MARCHF1: variants seen among roughly 807,000 people sequenced by gnomAD.
MARCHF1 encodes E3 ubiquitin-protein ligase MARCHF1.
In MARCHF1, 40 loss-of-function variants were observed where a neutral mutation model predicts 54.2. That is an observed-to-expected ratio of 0.74 (90% CI 0.57 to 0.96). The LOEUF is 0.96. Among genes scored for constraint, MARCHF1 ranks in the 40% least tolerant of loss-of-function variants. The pLI is 0.00. For missense variants in MARCHF1, 586 were observed against 656.5 expected (o/e 0.89, Z 1.17); for synonymous variants, 236 against 236.3 (o/e 1.00, Z 0.01).
chr4:164,201,221 T>TTTG (rs1731443470), intron 1 of MARCHF1, among the ~76,000 whole-genome samples: 1 of 151,926 alleles, frequency 6.6e-6, no homozygotes, highest in Non-Finnish European at 1.5e-5. Context: ...TTTGTTTTGT[T>TTTG]TTGTTTTGTT....
intron 1 of MARCHF1, among the ~76,000 whole-genome samples, chr4:164,153,966 G>A (rs1730009738): frequency 6.6e-6 from 1 of 152,142 alleles, no homozygotes; most frequent in African/African-American, 2.4e-5. Flanking sequence ...AGCCAGAGAA[G>A]TGTCATTGCT....
At chr4:163,871,368 T>C (rs376624712) in intron 3 of MARCHF1, among the ~76,000 whole-genome samples, 2 of 152,300 alleles carry the variant, frequency 1.3e-5, no homozygotes, top group South Asian at 2.1e-4. Context: ...AACAACCCAA[T>C]AGTCTCAGTA....
At chr4:164,013,848 A>G (rs571956691) in intron 2 of MARCHF1, among the ~76,000 whole-genome samples, 4 of 152,252 alleles carry the variant, frequency 2.6e-5, no homozygotes, top group South Asian at 2.1e-4. Context: ...GAATTTCTCA[A>G]CACCAGACTT....
At chr4:163,738,602 G>A (rs1386149432) in intron 4 of MARCHF1, among the ~76,000 whole-genome samples, 5 of 152,022 alleles carry the variant, frequency 3.3e-5, no homozygotes, top group Non-Finnish European at 7.4e-5. Context: ...TCCAATAAAG[G>A]GCTATTTTTC....
At chr4:164,111,153 G>C (rs989721753) in intron 2 of MARCHF1, among the ~76,000 whole-genome samples, 2 of 151,702 alleles carry the variant, frequency 1.3e-5, no homozygotes, top group African/African-American at 2.4e-5. Flanking sequence ...CCAAGTATTA[G>C]TAACAAGATA....
intron 1 of MARCHF1, among the ~76,000 whole-genome samples, chr4:164,351,519 C>T (rs1730334138): frequency 6.6e-6 from 1 of 151,958 alleles, no homozygotes. Context: ...CCTCACACGG[C>T]AGGGTATTCC....
At chr4:164,289,732 C>T (rs1442346292) in intron 1 of MARCHF1, among the ~76,000 whole-genome samples, 1 of 151,882 alleles carries the variant, frequency 6.6e-6, no homozygotes, top group African/African-American at 2.4e-5. Flanking sequence ...CTAGTCTTAC[C>T]ATCCCACCTT....
At chr4:164,023,778 G>T (rs1753714959) in intron 2 of MARCHF1, among the ~76,000 whole-genome samples, 1 of 152,066 alleles carries the variant, frequency 6.6e-6, no homozygotes, top group African/African-American at 2.4e-5. Context: ...AAATCTGAAT[G>T]ACAAGAAAGC....
chr4:163,832,774 G>A lies in MARCHF1; in HGVS notation c.111+21247C>T, dbSNP rs561459568. Among the ~76,000 whole-genome samples, 243 of 133,360 alleles carry A rather than the reference G, an allele frequency of 1.8e-3. 2 individuals are homozygous for A. Among genetic ancestry groups the A allele is most frequent in the African/African-American group, 6.7e-3 (233 of 34,874 alleles). The allele number at this position is 133,360 out of a possible 152,430, so 87.5% of individuals were successfully genotyped here. On this transcript the variant is annotated intron_variant, in intron 4 of 9. Transcript: ENST00000514618. ...CCCACAACAGTCTCCAGTGTGTGAT[G>A]TTCCCCTTCCTGTGTCCATGTGTTC...
intron 1 of MARCHF1, among the ~76,000 whole-genome samples, chr4:164,154,216 C>T (rs5020379): frequency 0.19 from 27,519 of 142,236 alleles, 3,044 homozygotes; most frequent in Non-Finnish European, 0.26. Flanking sequence ...GCCATTAGGC[C>T]ATTTAAAAGA....
At chr4:163,772,048 T>G (rs1227846935) in intron 4 of MARCHF1, among the ~76,000 whole-genome samples, 5 of 152,140 alleles carry the variant, frequency 3.3e-5, no homozygotes, top group African/African-American at 1.2e-4. Flanking sequence ...AGGCATCACC[T>G]GGGAGTTTGT....
chr4:164,140,106 C>A (rs1756491777), intron 1 of MARCHF1, among the ~76,000 whole-genome samples: 1 of 151,830 alleles, frequency 6.6e-6, no homozygotes, highest in African/African-American at 2.4e-5. Flanking sequence ...ACCAATATTT[C>A]TCTCTATATA....
At chr4:164,186,065 G>A (rs948912497) in intron 1 of MARCHF1, among the ~76,000 whole-genome samples, 16 of 152,198 alleles carry the variant, frequency 1.1e-4, no homozygotes, top group Admixed American at 8.5e-4. Flanking sequence ...GCTAATTTTT[G>A]TATTTTTAGT....
rs1394555537 is a variant in MARCHF1 at position 163,612,717 on chromosome 4, C to T, written c.564G>A (p.Arg188=). The T allele has an allele frequency of 2.1e-5, 32 of 1,535,490 alleles. No individual in the cohort carries two copies. The highest frequency in any genetic ancestry group is 2.6e-5 in the Non-Finnish European group (30 of 1,146,524). The stretch of plus-strand genomic sequence containing the variant: ...TTTCACACGGCTTATTATTATTTCT[C>T]CTCCTTCTTCTTGACAGTCTGAATT... ...QVKFRLSRRR[R]RNNNKPCENL... Residue 188 remains arginine, a synonymous_variant, in exon 7 of 10, where the codon AGG becomes AGA. Transcript: ENST00000514618.
intron 2 of MARCHF1, among the ~76,000 whole-genome samples, chr4:164,058,450 G>A (rs1403403587): frequency 6.6e-6 from 1 of 152,216 alleles, no homozygotes; most frequent in Non-Finnish European, 1.5e-5. Flanking sequence ...ATTGTGACCA[G>A]TGAAGTCACT....
At chr4:164,083,040 A>G (rs945366606) in intron 2 of MARCHF1, among the ~76,000 whole-genome samples, 1 of 152,176 alleles carries the variant, frequency 6.6e-6, no homozygotes, top group Admixed American at 6.5e-5. Context: ...ATAAATATAA[A>G]TGGTGGTTTA....
At chr4:163,608,221 T>C (rs1373747272) in intron 7 of MARCHF1, among the ~76,000 whole-genome samples, 1 of 151,986 alleles carries the variant, frequency 6.6e-6, no homozygotes, top group Non-Finnish European at 1.5e-5. Context: ...TGAGTGTTGG[T>C]TAGGAGGTTA....
At chr4:164,231,832 A>G (rs1234172953) in intron 1 of MARCHF1, among the ~76,000 whole-genome samples, 2 of 152,146 alleles carry the variant, frequency 1.3e-5, no homozygotes, top group African/African-American at 4.8e-5. Context: ...TTCTGACAGA[A>G]AAATAAGTTC....
rs539608946 is a variant in MARCHF1 at position 163,840,296 on chromosome 4, A to G, written c.111+13725T>C. Among the ~76,000 whole-genome samples the G allele has an allele frequency of 3.3e-5, 5 of 152,242 alleles. No individual in the cohort carries two copies. In the South Asian group the frequency reaches 8.3e-4, roughly 25 times the overall value. On this transcript the variant is annotated intron_variant, in intron 4 of 9. Coordinates refer to ENST00000514618, the MANE Select transcript of MARCHF1 (RefSeq NM_001394959.1). The stretch of plus-strand genomic sequence containing the variant: ...CCAGGAAGGGAATGGGGCGTGTTCA[A>G]TCTACCACTCTGAAAGGAAAGCAGA...
Sources: allele counts gnomAD v4.1 joint callset (sites outside exome capture counted in the v4.1 genomes callset), GRCh38; gene constraint gnomAD v4.1.1; transcripts MANE v1.5; gene names NCBI Gene and HGNC (gene_info 2026-07-23, HGNC 2026-07-21).